NUAK1: variants seen among roughly 807,000 people sequenced by gnomAD.
NUAK1 encodes NUAK family SNF1-like kinase 1.
In NUAK1, 26 loss-of-function variants were observed where a neutral mutation model predicts 56.9. The observed-to-expected ratio is 0.46, with a 90% confidence interval of 0.33 to 0.63. The LOEUF (loss-of-function observed/expected upper bound fraction) is 0.63, where lower values mean the gene tolerates loss of function less well. Among genes scored for constraint, NUAK1 ranks in the 30% least tolerant of loss-of-function variants. The pLI, the probability that NUAK1 is intolerant of heterozygous loss-of-function variation, is 0.02. For synonymous variants in NUAK1, 337 were observed against 336.0 expected (o/e 1.00, Z -0.03); for missense variants, 727 against 876.1 (o/e 0.83, Z 2.15).
chr12:106,064,793 A>ACCCCCCCCCCCCCCCCCCCC lies in NUAK1; in HGVS notation c.*2008_*2009insGGGGGGGGGGGGGGGGGGGG, dbSNP rs57837292. The ACCCCCCCCCCCCCCCCCCCC allele has an allele frequency of 8.7e-6, 1 of 114,576 alleles. No homozygotes were observed. The highest frequency in any genetic ancestry group is 1.8e-5 in the Non-Finnish European group (1 of 54,358). 7.1% of individuals were successfully genotyped at this position (114,576 alleles called of 1,614,324 possible). On this transcript the variant is annotated 3_prime_UTR_variant, in exon 7 of 7. Coordinates refer to ENST00000261402, the MANE Select transcript of NUAK1 (RefSeq NM_014840.3). ...TTGTCCTCCATGCACCCACACCCCC[A>ACCCCCCCCCCCCCCCCCCCC]CCCCCCCCCACACACACAATTTGCT...
rs199595148 is a variant in NUAK1 at position 106,128,128 on chromosome 12, C to CTTTTTTT, written c.240+10285_240+10286insAAAAAAA. Among the ~76,000 whole-genome samples, 41 of 136,186 alleles carry CTTTTTTT rather than the reference C, an allele frequency of 3.0e-4. 1 individual carries two copies. Among genetic ancestry groups the CTTTTTTT allele is most frequent in the Non-Finnish European group, 3.6e-4 (23 of 63,638 alleles). 89.3% of individuals were successfully genotyped at this position (136,186 alleles called of 152,430 possible). ...AGCCTAGCTCCAAATTCTCTCTTTT[C>CTTTTTTT]TTTTTCTTTTTTTTTTTTTTTGACA... On this transcript the variant is annotated intron_variant, in intron 1 of 6. Coordinates refer to ENST00000261402, the MANE Select transcript of NUAK1 (RefSeq NM_014840.3).
intron 1 of NUAK1, among the ~76,000 whole-genome samples, chr12:106,117,959 T>TAATTTTATAAAA (rs922128268): frequency 4.6e-5 from 7 of 152,238 alleles, no homozygotes; most frequent in African/African-American, 1.7e-4. Context: ...TTGTTGAGCT[T>TAATTTTATAAAA]AATTTTATAA....
At chr12:106,074,992 C>A (rs2136457825) in intron 4 of NUAK1, among the ~76,000 whole-genome samples, 1 of 152,252 alleles carries the variant, frequency 6.6e-6, no homozygotes, top group East Asian at 1.9e-4. Flanking sequence ...GCATTCTCTT[C>A]CCGCCTGGCA....
intron 4 of NUAK1, among the ~76,000 whole-genome samples, chr12:106,074,426 C>T (rs1443219840): frequency 1.3e-5 from 2 of 152,170 alleles, no homozygotes; most frequent in Admixed American, 6.5e-5. Context: ...CTTTACCACA[C>T]ATTTTTTGAA....
At chr12:106,076,480 G>C (rs2032466591) in intron 4 of NUAK1, among the ~76,000 whole-genome samples, 1 of 152,100 alleles carries the variant, frequency 6.6e-6, no homozygotes, top group Non-Finnish European at 1.5e-5. Flanking sequence ...CTGCTCCCCT[G>C]CCCCATACTG....
chr12:106,069,131 T>A (rs555229137), intron 6 of NUAK1, among the ~76,000 whole-genome samples: 1 of 152,312 alleles, frequency 6.6e-6, no homozygotes, highest in East Asian at 1.9e-4. Context: ...TGATTATCCA[T>A]AGAGTCTGTA....
intron 4 of NUAK1, among the ~76,000 whole-genome samples, chr12:106,079,657 C>T (rs2032496934): frequency 6.6e-6 from 1 of 152,210 alleles, no homozygotes; most frequent in Non-Finnish European, 1.5e-5. Context: ...CCTGACCACT[C>T]TAGGTAAAAG....
At chr12:106,074,739 C>T (rs369232355) in intron 4 of NUAK1, among the ~76,000 whole-genome samples, 1 of 152,122 alleles carries the variant, frequency 6.6e-6, no homozygotes, top group Non-Finnish European at 1.5e-5. Context: ...CTGTGGTGGT[C>T]ACAGCCCCTA....
chr12:106,134,840 A>C (rs1405003755), intron 1 of NUAK1, among the ~76,000 whole-genome samples: 2 of 152,180 alleles, frequency 1.3e-5, no homozygotes, highest in African/African-American at 4.8e-5. Context: ...TTCAGATCCT[A>C]TCTGAATCTG....
At chr12:106,098,919 T>A (rs1294080187) in intron 2 of NUAK1, among the ~76,000 whole-genome samples, 2 of 148,674 alleles carry the variant, frequency 1.3e-5, no homozygotes, top group African/African-American at 5.2e-5. Flanking sequence ...CCTTTTCAGC[T>A]TTTTTTTCCA....
At position 106,138,851 on chromosome 12, in the gene NUAK1, G is replaced by A. The variant is rs990704135; in HGVS notation, c.-198C>T. On this transcript the variant is annotated 5_prime_UTR_variant, in exon 1 of 7. Transcript: ENST00000261402. The surrounding 1 kb of genome is among the most constrained non-coding windows in gnomAD (Gnocchi z 5.0). ...CACATCTGGCGCCCGCGGCGCGCACGGTCCGCGCACCGCCCCCCGGCCGCG... is the reference window on the plus strand; with the variant it reads ...CACATCTGGCGCCCGCGGCGCGCACAGTCCGCGCACCGCCCCCCGGCCGCG... 1 of 650,058 alleles carries A rather than the reference G, an allele frequency of 1.5e-6. No individual in the cohort carries two copies. The highest frequency in any genetic ancestry group is 4.6e-5 in the South Asian group (1 of 21,824). 40.3% of individuals were successfully genotyped at this position (650,058 alleles called of 1,614,324 possible).
Position 106,067,062 on chromosome 12 carries a change from T to C in NUAK1, c.1726A>G (p.Ser576Gly). 1 of 1,614,234 alleles carries C rather than the reference T, an allele frequency of 6.2e-7. No individual in the cohort carries two copies. The highest frequency in any genetic ancestry group is 8.5e-7 in the Non-Finnish European group (1 of 1,180,036). Residue 576 changes from serine to glycine, a missense_variant, in exon 7 of 7, where the codon AGC becomes GGC. Ser to Gly is a moderately conservative substitution (Grantham distance 56, BLOSUM62 0). Coordinates refer to ENST00000261402, the MANE Select transcript of NUAK1 (RefSeq NM_014840.3). The surrounding 1 kb of genome is among the most constrained non-coding windows in gnomAD (Gnocchi z 6.0). ...TCAAAAGAGTCGCTGGACAGCACGC[T>C]GTCATCGCTGATGACACTGGAAGGG... ...SRPSSVISDD[S>G]VLSSDSFDLL...
At chr12:106,137,793 A>C (rs906376807) in intron 1 of NUAK1, among the ~76,000 whole-genome samples, 1 of 152,244 alleles carries the variant, frequency 6.6e-6, no homozygotes, top group African/African-American at 2.4e-5. Context: ...GTCCTCCCAA[A>C]GCCATGATGC....
At chr12:106,070,003 T>C (rs527882683) in intron 6 of NUAK1, among the ~76,000 whole-genome samples, 61 of 152,260 alleles carry the variant, frequency 4.0e-4, no homozygotes, top group African/African-American at 1.4e-3. Context: ...AGCATGGACA[T>C]GGCACTGGCA....
intron 2 of NUAK1, among the ~76,000 whole-genome samples, chr12:106,098,746 G>A (rs1056997791): frequency 1.3e-5 from 2 of 152,132 alleles, no homozygotes; most frequent in African/African-American, 4.8e-5. Context: ...TTTGTTCTCA[G>A]TGGTTTTGCA....
intron 1 of NUAK1, among the ~76,000 whole-genome samples, chr12:106,109,154 A>G (rs990952138): frequency 2.0e-5 from 3 of 152,224 alleles, no homozygotes; most frequent in Non-Finnish European, 4.4e-5. Context: ...TGGAGGGAAG[A>G]CATTCAGCTC....
chr12:106,122,862 T>G (rs1032771469), intron 1 of NUAK1, among the ~76,000 whole-genome samples: 1 of 152,180 alleles, frequency 6.6e-6, no homozygotes, highest in African/African-American at 2.4e-5. Context: ...ACCTAGGAGA[T>G]TCCCACATCC....
chr12:106,083,889 A>G lies in NUAK1; in HGVS notation c.554T>C (p.Leu185Pro). Residue 185 changes from leucine (L) to proline (P), a missense_variant, in exon 4 of 7, where the codon CTG (leucine) becomes CCG (proline). Leu to Pro is a moderately conservative substitution (Grantham distance 98). Transcript: ENST00000261402. Reference protein sequence around the residue: ...VHRDLKLENILLDDNCNIKIA... With the variant: ...VHRDLKLENIPLDDNCNIKIA... ...CTTAATATTGCAGTTGTCATCGAGCAGTATATTTTCCAGCTTCAAGTCCCG... is the reference window on the plus strand; with the variant it reads ...CTTAATATTGCAGTTGTCATCGAGCGGTATATTTTCCAGCTTCAAGTCCCG... 6.2e-7 allele frequency: 1 copy of G among 1,614,194 alleles called. No homozygotes were observed. The highest frequency in any genetic ancestry group is 8.5e-7 in the Non-Finnish European group (1 of 1,180,032).
intron 1 of NUAK1, 123 bp from the exon 2 acceptor site, chr12:106,106,648 A>G: frequency 1.0e-6 from 1 of 980,284 alleles, no homozygotes; most frequent in East Asian, 2.6e-5. Flanking sequence ...ACCAAAACAA[A>G]GCTTGGAAAT....
Sources: allele counts gnomAD v4.1 joint callset (sites outside exome capture counted in the v4.1 genomes callset), GRCh38; gene constraint gnomAD v4.1.1; non-coding constraint Gnocchi (gnomAD v3.1); transcripts MANE v1.5; gene names NCBI Gene and HGNC (gene_info 2026-07-23, HGNC 2026-07-21).